NPNT: variants seen among roughly 807,000 people sequenced by gnomAD.
The protein encoded by NPNT is nephronectin.
A neutral mutation model predicts 68.6 loss-of-function variants in NPNT; 45 were observed. The observed-to-expected ratio is 0.66, with a 90% CI of 0.52 to 0.84. NPNT has a LOEUF of 0.84. Among genes scored for constraint, NPNT ranks in the 40% least tolerant of loss-of-function variants. The pLI, the probability that NPNT is intolerant of heterozygous loss-of-function variation, is 0.00. For synonymous variants in NPNT, 233 were observed against 253.3 expected, an observed-to-expected ratio of 0.92 and a Z score of 0.76; for missense variants, 672 against 714.8, an observed-to-expected ratio of 0.94 and a Z score of 0.68.
chr4:105,947,307 A>G (rs1052197276), intron 8 of NPNT, among the ~76,000 whole-genome samples: 5 of 152,190 alleles, frequency 3.3e-5, no homozygotes, highest in African/African-American at 9.7e-5. Flanking sequence ...ACACAATTAT[A>G]GTGGTCCTGA....
intron 8 of NPNT, among the ~76,000 whole-genome samples, chr4:105,949,325 A>G (rs1030591192): frequency 6.6e-5 from 10 of 152,212 alleles, no homozygotes; most frequent in Admixed American, 2.0e-4. Flanking sequence ...ACTGGAATCA[A>G]CTTTAGGTCA....
intron 2 of NPNT, among the ~76,000 whole-genome samples, chr4:105,920,704 A>G (rs1728198657): frequency 1.3e-5 from 2 of 152,098 alleles, no homozygotes; most frequent in South Asian, 4.1e-4. Flanking sequence ...GAGAGATCAA[A>G]TAGATACTTG....
intron 2 of NPNT, chr4:105,911,514 C>A (rs1266860483): frequency 2.0e-5 from 3 of 152,184 alleles, no homozygotes; most frequent in Middle Eastern, 3.2e-3. Context: ...CAAACACTGA[C>A]CATTATTAGT....
chr4:105,921,592 T>C (rs1259656281), intron 2 of NPNT, among the ~76,000 whole-genome samples: 1 of 152,172 alleles, frequency 6.6e-6, no homozygotes, highest in Non-Finnish European at 1.5e-5. Context: ...GACACTATAG[T>C]ACAGGGTATT....
At chr4:105,901,717 C>T (rs1301000409) in intron 2 of NPNT, among the ~76,000 whole-genome samples, 1 of 152,142 alleles carries the variant, frequency 6.6e-6, no homozygotes, top group East Asian at 1.9e-4. Context: ...GAAACCTACA[C>T]CTACAGATTG....
intron 8 of NPNT, among the ~76,000 whole-genome samples, chr4:105,946,133 A>G (rs1353664461): frequency 3.9e-5 from 6 of 152,234 alleles, no homozygotes; most frequent in South Asian, 2.1e-4. Flanking sequence ...GCATATTATT[A>G]TATCTTCCTA....
chr4:105,939,932 C>T, intron 5 of NPNT, 143 bp from the exon 6 acceptor site: 1 of 653,106 alleles, frequency 1.5e-6, no homozygotes. Context: ...TTTATGTTGC[C>T]TGTAGGGACA....
intron 8 of NPNT, among the ~76,000 whole-genome samples, chr4:105,948,253 G>A (rs1025046443): frequency 6.6e-6 from 1 of 152,088 alleles, no homozygotes; most frequent in African/African-American, 2.4e-5. Context: ...TATGAAAATA[G>A]CATTGAAACA....
At chr4:105,923,303 T>C (rs1322338014) in intron 2 of NPNT, among the ~76,000 whole-genome samples, 2 of 151,140 alleles carry the variant, frequency 1.3e-5, no homozygotes, top group Non-Finnish European at 3.0e-5. Context: ...GTTATTTAGA[T>C]GTAGAAATAA....
At position 105,927,403 on chromosome 4, in the gene NPNT, T is replaced by C. The variant is rs1246197562; in HGVS notation, c.240T>C (p.Gly80=). The C allele has an allele frequency of 2.5e-6, 4 of 1,612,202 alleles. No individual in the cohort carries two copies. The highest frequency in any genetic ancestry group is 3.4e-6 in the Non-Finnish European group (4 of 1,178,550). ...IGPNKCKCHP[G]YAGKTCNQDL... The stretch of plus-strand genomic sequence containing the variant: ...CAAACAAGTGCAAGTGTCATCCTGG[T>C]TATGCTGGAAAAACCTGTAATCAAG... Residue 80 remains glycine, a synonymous_variant, in exon 3 of 12, where the codon GGT becomes GGC. Coordinates refer to ENST00000379987, the MANE Select transcript of NPNT (RefSeq NM_001033047.3).
intron 2 of NPNT, among the ~76,000 whole-genome samples, chr4:105,898,603 C>T (rs1396018064): frequency 6.6e-6 from 1 of 151,992 alleles, no homozygotes; most frequent in East Asian, 1.9e-4. Flanking sequence ...ATGGACCACC[C>T]AGTATAATGA....
chr4:105,895,885 C>A, intron 1 of NPNT, 162 bp downstream of exon 1: 1 of 628,260 alleles, frequency 1.6e-6, no homozygotes, highest in South Asian at 2.0e-5. Flanking sequence ...GGTCCAGCGG[C>A]TCCGAGTGCC....
chr4:105,959,523 C>CTTTT (rs1014448942), intron 10 of NPNT, among the ~76,000 whole-genome samples: 1 of 129,620 alleles, frequency 7.7e-6, no homozygotes, highest in Admixed American at 7.7e-5. Flanking sequence ...TTTTTCTTTT[C>CTTTT]TTTTTTTTTT....
chr4:105,906,299 G>C (rs1410998743), intron 2 of NPNT, among the ~76,000 whole-genome samples: 1 of 152,206 alleles, frequency 6.6e-6, no homozygotes, highest in Admixed American at 6.5e-5. Flanking sequence ...AGACTTTCAC[G>C]TGGCCCTTTA....
In NPNT at chr4:105,959,074, G is replaced by C; in HGVS notation, c.1293G>C (p.Trp431Cys). The C allele has an allele frequency of 6.2e-7, 1 of 1,613,672 alleles. No individual in the cohort carries two copies. The highest frequency in any genetic ancestry group is 1.7e-5 in the Admixed American group (1 of 60,016). The change falls in exon 10 of 12, where the codon TGG (tryptophan) becomes TGC (cysteine). Residue 431 changes from tryptophan (W) to cysteine (C), a missense_variant. Coordinates refer to ENST00000379987, the MANE Select transcript of NPNT (RefSeq NM_001033047.3). ...SCNFDHGLCGWIREKDNDLHW... is the reference protein window; with the variant it reads ...SCNFDHGLCGCIREKDNDLHW... ...ATTTTGACCATGGACTTTGTGGATG[G>C]ATCAGGGAGAAAGACAATGACTTGC... is the stretch of plus-strand genomic sequence containing the variant.
intron 2 of NPNT, among the ~76,000 whole-genome samples, chr4:105,904,984 C>T (rs1488063904): frequency 6.6e-6 from 1 of 152,078 alleles, no homozygotes; most frequent in East Asian, 1.9e-4. Flanking sequence ...AATCCACCCA[C>T]CTTGGTCTCC....
At chr4:105,941,924 T>C (rs1414932554) in intron 7 of NPNT, among the ~76,000 whole-genome samples, 1 of 151,806 alleles carries the variant, frequency 6.6e-6, no homozygotes, top group East Asian at 1.9e-4. Flanking sequence ...GCATTTCTTA[T>C]ATTAAAAAAA....
chr4:105,926,558 A>G (rs1440757135), intron 2 of NPNT, among the ~76,000 whole-genome samples: 1 of 152,164 alleles, frequency 6.6e-6, no homozygotes, highest in East Asian at 1.9e-4. Context: ...ACAGGGGTAA[A>G]AAGTGCCCCC....
rs11355483 is a variant in NPNT at position 105,920,395 on chromosome 4, T to TAAAAAAAAAAAAAAAA, written c.173-6932_173-6917dup. Among the ~76,000 whole-genome samples, 89 of 79,456 alleles carry TAAAAAAAAAAAAAAAA rather than the reference T, an allele frequency of 1.1e-3. 1 individual carries two copies. Among genetic ancestry groups the TAAAAAAAAAAAAAAAA allele is most frequent in the African/African-American group, 3.4e-3 (66 of 19,504 alleles). 52.1% of individuals were successfully genotyped at this position (79,456 alleles called of 152,430 possible). A position where few individuals can be genotyped will look rare whatever the true frequency, so the allele number is the denominator to read the frequency against. On this transcript the variant is annotated intron_variant, in intron 2 of 11. Transcript: ENST00000379987. ...GTGGGCATTGCTACTGTTACTCTAC[T>TAAAAAAAAAAAAAAAA]AAAAAAAAAAAAAAAAAAAAAAAAC...
Sources: gnomAD v4.1 joint callset for allele counts (sites outside exome capture counted in the v4.1 genomes callset) on GRCh38, gnomAD v4.1.1 for gene constraint, MANE v1.5 for transcripts, NCBI Gene and HGNC (gene_info 2026-07-23, HGNC 2026-07-21) for gene names.